SBF2: variants seen among roughly 807,000 people sequenced by gnomAD.
SBF2 encodes myotubularin-related protein 13.
In SBF2, 112 loss-of-function variants were observed where a neutral mutation model predicts 225.2. The observed-to-expected ratio is 0.50, with a 90% CI of 0.43 to 0.58. The LOEUF (loss-of-function observed/expected upper bound fraction) is 0.58. SBF2 is among the 20% of genes least tolerant of loss of function. The probability of loss-of-function intolerance (pLI) is 0.00; values close to 1 mark genes in which losing one functional copy is unlikely to be tolerated. For synonymous variants in SBF2, 763 were observed against 773.3 expected, an observed-to-expected ratio of 0.99 and a Z score of 0.22; for missense variants, 1,996 against 2,206.2, an observed-to-expected ratio of 0.90 and a Z score of 1.91.
chr11:10,270,867 G>C (rs1379595361), intron 1 of SBF2, among the ~76,000 whole-genome samples: 5 of 151,514 alleles, frequency 3.3e-5, no homozygotes, highest in South Asian at 2.1e-4. Context: ...TGGTGGCGGG[G>C]GCCTGTAGTC....
At chr11:10,044,296 A>G (rs1004428268) in intron 2 of SBF2, among the ~76,000 whole-genome samples, 9 of 152,066 alleles carry the variant, frequency 5.9e-5, no homozygotes, top group African/African-American at 1.9e-4. Context: ...GAAAGACGGG[A>G]TATCAGTACA....
At chr11:9,793,157 A>G (rs1305241576) in intron 33 of SBF2, among the ~76,000 whole-genome samples, 1 of 152,080 alleles carries the variant, frequency 6.6e-6, no homozygotes, top group East Asian at 1.9e-4. Flanking sequence ...ATAATCTTTC[A>G]ATATATACCA....
At chr11:9,828,635 G>A in intron 28 of SBF2, 2 of 985,304 alleles carry the variant, frequency 2.0e-6, no homozygotes, top group Non-Finnish European at 2.4e-6. Flanking sequence ...CATGATAACT[G>A]AAACAGAATA....
At chr11:10,221,287 T>G (rs1008214133) in intron 1 of SBF2, among the ~76,000 whole-genome samples, 3 of 151,818 alleles carry the variant, frequency 2.0e-5, no homozygotes, top group Admixed American at 1.3e-4. Flanking sequence ...CCAGCTAATT[T>G]TTGTATTTTT....
chr11:10,107,554 A>G (rs1353857794), intron 2 of SBF2, among the ~76,000 whole-genome samples: 1 of 152,218 alleles, frequency 6.6e-6, no homozygotes, highest in Non-Finnish European at 1.5e-5. Context: ...TCTAAAGGCC[A>G]GGGTCCAAAA....
intron 2 of SBF2, among the ~76,000 whole-genome samples, chr11:10,094,062 G>C (rs963340510): frequency 6.6e-6 from 1 of 152,176 alleles, no homozygotes; most frequent in African/African-American, 2.4e-5. Flanking sequence ...CGGGTGCGGT[G>C]GCTCACGCCT....
At chr11:9,811,304 T>C (rs983241397) in intron 30 of SBF2, 12 of 152,332 alleles carry the variant, frequency 7.9e-5, no homozygotes, top group African/African-American at 2.9e-4. Flanking sequence ...AATGTACCTA[T>C]ACAACAAACC....
intron 2 of SBF2, among the ~76,000 whole-genome samples, chr11:10,136,747 A>G (rs770906879): frequency 2.6e-5 from 4 of 152,354 alleles, no homozygotes; most frequent in Admixed American, 2.6e-4. Context: ...ATCCACAGAG[A>G]AGTGAAGAAC....
chr11:10,015,931 T>C lies in SBF2; in HGVS notation c.619+12521A>G, dbSNP rs547426758. 3.8e-3 allele frequency among the ~76,000 whole-genome samples: 575 copies of C among 151,968 alleles called. 4 individuals are homozygous for C. Among genetic ancestry groups the C allele is most frequent in the South Asian group, 5.2e-3 (25 of 4,820 alleles). On this transcript the variant is annotated intron_variant, in intron 6 of 39. Transcript: ENST00000256190. Reference sequence around the variant, plus strand: ...ATTCTCCTGCCTCAGGTGCCCCCCATCACTCCAGCTAATTTTTGTATTTTT... The same window carrying C: ...ATTCTCCTGCCTCAGGTGCCCCCCACCACTCCAGCTAATTTTTGTATTTTT...
intron 16 of SBF2, chr11:9,928,872 G>A (rs892602957): frequency 1.2e-5 from 3 of 251,098 alleles, no homozygotes; most frequent in Non-Finnish European, 2.4e-5. Flanking sequence ...ATTACTTGCT[G>A]TTCATTTCAT....
intron 2 of SBF2, among the ~76,000 whole-genome samples, chr11:10,103,143 T>C (rs1208903815): frequency 6.6e-6 from 1 of 152,124 alleles, no homozygotes; most frequent in African/African-American, 2.4e-5. Flanking sequence ...TTTTTAAAAA[T>C]TTTTGAGTTA....
intron 17 of SBF2, among the ~76,000 whole-genome samples, chr11:9,882,456 C>G (rs1200967231): frequency 6.6e-6 from 1 of 152,156 alleles, no homozygotes; most frequent in African/African-American, 2.4e-5. Flanking sequence ...TAGTGTTGAA[C>G]CACTGATTTG....
intron 6 of SBF2, among the ~76,000 whole-genome samples, chr11:10,003,359 CTTTTTCT>C (rs1230638331): frequency 7.0e-6 from 1 of 142,654 alleles, no homozygotes; most frequent in South Asian, 2.3e-4. Context: ...TATGCTTTTT[CTTTTTCT>C]TTTTTCTTTT....
At chr11:9,905,525 CTCTT>C (rs1862054958) in intron 16 of SBF2, among the ~76,000 whole-genome samples, 1 of 152,168 alleles carries the variant, frequency 6.6e-6, no homozygotes, top group African/African-American at 2.4e-5. Flanking sequence ...ACTCAGGAAT[CTCTT>C]TATCCCAGGA....
In SBF2 at chr11:10,002,693, A is replaced by G; in HGVS notation, c.620-4T>C. On this transcript the variant is annotated splice_region_variant and splice_polypyrimidine_tract_variant and intron_variant, in intron 6 of 39. Transcript: ENST00000256190. ...AGGCTGAGGACATTTTGAATTCCTGAAAACATAAGAGCAAGGACTTACAAA... is the reference window on the plus strand; with the variant it reads ...AGGCTGAGGACATTTTGAATTCCTGGAAACATAAGAGCAAGGACTTACAAA... 6.2e-7 allele frequency: 1 copy of G among 1,612,820 alleles called. No individual in the cohort carries two copies. Among genetic ancestry groups the G allele is most frequent in the South Asian group, 1.1e-5 (1 of 91,070 alleles).
intron 28 of SBF2, among the ~76,000 whole-genome samples, chr11:9,821,263 C>T (rs1854736797): frequency 6.6e-6 from 1 of 152,086 alleles, no homozygotes; most frequent in African/African-American, 2.4e-5. Flanking sequence ...TTACTTTTTG[C>T]AAACCAATAC....
intron 16 of SBF2, among the ~76,000 whole-genome samples, chr11:9,921,319 C>T (rs896226092): frequency 2.0e-5 from 3 of 152,142 alleles, no homozygotes; most frequent in African/African-American, 4.8e-5. Flanking sequence ...ATCCGCCCGC[C>T]TGGGCCTCCC....
chr11:10,251,164 T>G (rs1384090252), intron 1 of SBF2, among the ~76,000 whole-genome samples: 1 of 152,214 alleles, frequency 6.6e-6, no homozygotes, highest in African/African-American at 2.4e-5. Flanking sequence ...GAAGGCCCGA[T>G]GTAGATGCGA....
At chr11:10,081,759 C>CAAA (rs59208091) in intron 2 of SBF2, among the ~76,000 whole-genome samples, 22 of 120,520 alleles carry the variant, frequency 1.8e-4, no homozygotes, top group African/African-American at 6.5e-4. Context: ...GACTCCACCT[C>CAAA]AAAAAAAAAA....
Sources: allele counts gnomAD v4.1 joint callset (sites outside exome capture counted in the v4.1 genomes callset), GRCh38; gene constraint gnomAD v4.1.1; transcripts MANE v1.5; gene names NCBI Gene and HGNC (gene_info 2026-07-23, HGNC 2026-07-21).